Variants in LSAMP observed in about 807,000 individuals in gnomAD.
LSAMP encodes the protein limbic system-associated membrane protein.
In LSAMP, 7 loss-of-function variants were observed where a neutral mutation model predicts 38.6. The ratio of observed to expected loss-of-function variants is 0.18; its 90% CI spans 0.10 to 0.34. The LOEUF (loss-of-function observed/expected upper bound fraction) is 0.34, where lower values mean the gene tolerates loss of function less well. LSAMP is among the 10% of genes least tolerant of loss of function. The pLI is 1.00. For missense variants in LSAMP, 313 were observed against 420.0 expected, an observed-to-expected ratio of 0.75 and a Z score of 2.23; for synonymous variants, 154 against 166.8, an observed-to-expected ratio of 0.92 and a Z score of 0.59.
intron 1 of LSAMP, among the ~76,000 whole-genome samples, chr3:116,377,448 T>C (rs900605280): frequency 2.6e-5 from 4 of 152,136 alleles, no homozygotes; most frequent in Admixed American, 1.3e-4. Flanking sequence ...CCATAATGTA[T>C]ATGTACCACA....
At chr3:116,090,608 G>A (rs983596116) in intron 1 of LSAMP, among the ~76,000 whole-genome samples, 1 of 152,178 alleles carries the variant, frequency 6.6e-6, no homozygotes, top group South Asian at 2.1e-4. Context: ...GGAAAATCAC[G>A]TAGGTTCTTT....
At chr3:116,425,566 GGTGA>G (rs2049183793) in intron 1 of LSAMP, among the ~76,000 whole-genome samples, 1 of 151,986 alleles carries the variant, frequency 6.6e-6, no homozygotes, top group Non-Finnish European at 1.5e-5. Flanking sequence ...GATATACTTG[GGTGA>G]GTATGTCAAT....
chr3:115,999,737 C>G (rs572354332), intron 3 of LSAMP, among the ~76,000 whole-genome samples: 163 of 152,242 alleles, frequency 1.1e-3, no homozygotes, highest in African/African-American at 3.4e-3. Context: ...AAACTAATCG[C>G]TGTATGAGCA....
chr3:116,254,034 A>G (rs946645468), intron 1 of LSAMP, among the ~76,000 whole-genome samples: 1 of 152,150 alleles, frequency 6.6e-6, no homozygotes, highest in Non-Finnish European at 1.5e-5. Flanking sequence ...CTGACTGCAT[A>G]TCCTTCATAG....
chr3:115,934,089 TAA>T (rs1297868585), intron 3 of LSAMP, among the ~76,000 whole-genome samples: 2 of 152,214 alleles, frequency 1.3e-5, no homozygotes, highest in African/African-American at 4.8e-5. Flanking sequence ...CTCAAAAGCT[TAA>T]GTTTATTTAC....
At chr3:116,297,249 G>A (rs2047348637) in intron 1 of LSAMP, among the ~76,000 whole-genome samples, 1 of 151,986 alleles carries the variant, frequency 6.6e-6, no homozygotes, top group African/African-American at 2.4e-5. Flanking sequence ...TAAATCCATG[G>A]GAATTATTAA....
chr3:116,230,698 C>T (rs990022500), intron 1 of LSAMP, among the ~76,000 whole-genome samples: 4 of 152,154 alleles, frequency 2.6e-5, no homozygotes, highest in Non-Finnish European at 5.9e-5. Flanking sequence ...TCACCAATTG[C>T]TGCCTCAGCT....
Position 116,258,266 on chromosome 3 carries a change from C to CTT in LSAMP, c.156-171712_156-171711dup, listed in dbSNP as rs148234383. ...ATTATTTTCCAACCTATATTATAAT[C>CTT]TTTTTTTTACCATTTATATCAGTCT... On this transcript the variant is annotated intron_variant, in intron 1 of 6. Coordinates refer to ENST00000490035, the MANE Select transcript of LSAMP (RefSeq NM_002338.5). 3.0e-4 allele frequency among the ~76,000 whole-genome samples: 45 copies of CTT among 151,886 alleles called. No individual in the cohort carries two copies. The South Asian group carries it at 3.7e-3, about 13-fold the overall frequency.
intron 4 of LSAMP, among the ~76,000 whole-genome samples, chr3:115,848,224 G>T (rs1327127312): frequency 6.6e-6 from 1 of 152,152 alleles, no homozygotes; most frequent in African/African-American, 2.4e-5. Flanking sequence ...AAGAGTTTGA[G>T]ATCAGCCTGG....
intron 2 of LSAMP, among the ~76,000 whole-genome samples, chr3:116,065,381 A>G (rs960961751): frequency 1.3e-5 from 2 of 152,146 alleles, no homozygotes; most frequent in Non-Finnish European, 2.9e-5. Context: ...GCTATATATA[A>G]TATTTTAGTT....
intron 2 of LSAMP, among the ~76,000 whole-genome samples, chr3:116,039,076 A>G (rs967237376): frequency 6.6e-6 from 1 of 152,180 alleles, no homozygotes; most frequent in African/African-American, 2.4e-5. Context: ...GTCTTCAGAG[A>G]ACCACAGGCA....
At chr3:116,373,782 A>C (rs1297070942) in intron 1 of LSAMP, among the ~76,000 whole-genome samples, 2 of 151,932 alleles carry the variant, frequency 1.3e-5, no homozygotes, top group African/African-American at 4.8e-5. Context: ...AAGGGATTCC[A>C]GTAGTGTGAG....
At chr3:115,896,172 T>C (rs968653131) in intron 3 of LSAMP, among the ~76,000 whole-genome samples, 3 of 152,112 alleles carry the variant, frequency 2.0e-5, no homozygotes, top group Non-Finnish European at 4.4e-5. Flanking sequence ...TTTTCTAAAA[T>C]TCTCTACCCC....
At chr3:116,238,352 G>C (rs144725025) in intron 1 of LSAMP, among the ~76,000 whole-genome samples, 39 of 152,242 alleles carry the variant, frequency 2.6e-4, no homozygotes, top group African/African-American at 9.4e-4. Flanking sequence ...TTGAAACATG[G>C]TTGAGATTCT....
chr3:116,251,248 A>T (rs922326210), intron 1 of LSAMP, among the ~76,000 whole-genome samples: 3 of 152,208 alleles, frequency 2.0e-5, no homozygotes, highest in African/African-American at 7.2e-5. Flanking sequence ...TTAACTTATG[A>T]TTTCTCTGAT....
intron 1 of LSAMP, among the ~76,000 whole-genome samples, chr3:116,430,444 C>T (rs2049265673): frequency 6.6e-6 from 1 of 152,010 alleles, no homozygotes; most frequent in Non-Finnish European, 1.5e-5. Flanking sequence ...ATCTTCTACT[C>T]CATAAAGATG....
At chr3:115,917,833 T>C (rs76755474) in intron 3 of LSAMP, among the ~76,000 whole-genome samples, 2,091 of 152,342 alleles carry the variant, frequency 0.014, 50 homozygotes, top group African/African-American at 0.047. Flanking sequence ...CATAGTACAT[T>C]AACCTTGCAA....
intron 3 of LSAMP, among the ~76,000 whole-genome samples, chr3:115,948,580 G>C (rs1938177882): frequency 6.6e-6 from 1 of 152,044 alleles, no homozygotes; most frequent in Non-Finnish European, 1.5e-5. Context: ...TCTTTTAACT[G>C]AACAATAATA....
chr3:116,196,760 G>A (rs1487550971), intron 1 of LSAMP, among the ~76,000 whole-genome samples: 1 of 152,114 alleles, frequency 6.6e-6, no homozygotes, highest in Admixed American at 6.5e-5. Flanking sequence ...AAGTGTATCA[G>A]TCTCACTTTG....
Sources: gnomAD v4.1 joint callset for allele counts (sites outside exome capture counted in the v4.1 genomes callset) on GRCh38, gnomAD v4.1.1 for gene constraint, MANE v1.5 for transcripts, NCBI Gene and HGNC (gene_info 2026-07-23, HGNC 2026-07-21) for gene names.